The following AGTPBP1 variants were observed in gnomAD, a reference collection of about 807,000 sequenced individuals.
AGTPBP1 encodes the protein ATP/GTP binding carboxypeptidase 1, also known as cytosolic carboxypeptidase 1.
Under a neutral mutation model 143.9 loss-of-function variants are expected in AGTPBP1, and 70 were observed. The observed-to-expected ratio is 0.49, with a 90% confidence interval of 0.40 to 0.59. The LOEUF (loss-of-function observed/expected upper bound fraction) is 0.59. AGTPBP1 is among the 20% of genes least tolerant of loss of function. AGTPBP1 has a pLI of 0.00. For synonymous variants in AGTPBP1, 463 were observed against 500.2 expected (o/e 0.93, Z 0.99); for missense variants, 1,229 against 1,464.5 (o/e 0.84, Z 2.62).
At chr9:85,627,700 T>A (rs1831391760) in intron 14 of AGTPBP1, among the ~76,000 whole-genome samples, 1 of 152,182 alleles carries the variant, frequency 6.6e-6, no homozygotes, top group Non-Finnish European at 1.5e-5. Flanking sequence ...CAACCTATCC[T>A]TCTTCTTCCT....
chr9:85,770,259 A>C, the AGTPBP1 span: 3 of 1,428,268 alleles, frequency 2.1e-6, no homozygotes, highest in Non-Finnish European at 3.0e-6. Context: ...TTTCATTTAA[A>C]ATGAGTGATT....
chr9:85,746,428 C>A (rs866358356), upstream of AGTPBP1, among the ~76,000 whole-genome samples: 7 of 152,202 alleles, frequency 4.6e-5, no homozygotes, highest in African/African-American at 1.4e-4. Flanking sequence ...TCAAGACCAG[C>A]CTGGACAACA....
rs34248388 is a variant in AGTPBP1 at position 85,698,679 on chromosome 9, CTTTTTTTTTTTTTTTTT to C, written c.33-5883_33-5867del. On this transcript the variant is annotated intron_variant, in intron 2 of 25. Coordinates refer to ENST00000357081, the MANE Select transcript of AGTPBP1 (RefSeq NM_001330701.2). ...GGAAATGTATCTTCCCCACCTAACC[CTTTTTTTTTTTTTTTTT>C]TTTTTTTTTTTTTTGAGAAGCAGTC... is the stretch of plus-strand genomic sequence containing the variant. Among the ~76,000 whole-genome samples the C allele has an allele frequency of 6.5e-5, 5 of 76,576 alleles. No individual in the cohort carries two copies. In the South Asian group the frequency reaches 2.5e-3, roughly 39 times the overall value. 50.2% of individuals were successfully genotyped at this position (76,576 alleles called of 152,430 possible).
intron 25 of AGTPBP1, among the ~76,000 whole-genome samples, chr9:85,561,851 GAGA>G (rs1451541061): frequency 2.0e-5 from 2 of 98,360 alleles, no homozygotes; most frequent in African/African-American, 4.3e-5. Flanking sequence ...TTTTTTTTTT[GAGA>G]AGGAGTCTTA....
At chr9:85,763,196 C>T in the AGTPBP1 span, among the ~76,000 whole-genome samples, 2 of 151,542 alleles carry the variant, frequency 1.3e-5, no homozygotes, top group African/African-American at 4.8e-5. Context: ...AAAAAAAAAC[C>T]CTCACATCAA....
At chr9:85,615,702 T>C (rs1396667659) in intron 17 of AGTPBP1, among the ~76,000 whole-genome samples, 4 of 152,026 alleles carry the variant, frequency 2.6e-5, no homozygotes, top group African/African-American at 7.2e-5. Flanking sequence ...ATGCTCCCTT[T>C]CTAAAGTTTT....
chr9:85,682,073 G>GT (rs1453932861), intron 3 of AGTPBP1, among the ~76,000 whole-genome samples: 1 of 145,894 alleles, frequency 6.9e-6, no homozygotes, highest in East Asian at 2.1e-4. Flanking sequence ...TTAAAATTCT[G>GT]TATCACACAA....
chr9:85,663,385 A>G (rs996772793), intron 8 of AGTPBP1, among the ~76,000 whole-genome samples: 20 of 152,130 alleles, frequency 1.3e-4, no homozygotes, highest in Non-Finnish European at 2.9e-5. Flanking sequence ...CTGCCTCAGT[A>G]GTGGGGAAAA....
intron 9 of AGTPBP1, among the ~76,000 whole-genome samples, chr9:85,660,284 T>C (rs1219584450): frequency 6.6e-6 from 1 of 152,080 alleles, no homozygotes; most frequent in East Asian, 1.9e-4. Context: ...AATGTTTATG[T>C]AATCAACCAA....
At chr9:85,777,273 G>A in the AGTPBP1 span, among the ~76,000 whole-genome samples, 8 of 152,282 alleles carry the variant, frequency 5.3e-5, no homozygotes, top group East Asian at 3.9e-4. Context: ...ACCCACATCC[G>A]GAGTAAGTGT....
chr9:85,731,163 T>C (rs796159924), intron 1 of AGTPBP1, among the ~76,000 whole-genome samples: 48 of 152,330 alleles, frequency 3.2e-4, no homozygotes, highest in African/African-American at 1.1e-3. Context: ...TCAAGAACCA[T>C]TCCTAGGTCA....
the AGTPBP1 span, among the ~76,000 whole-genome samples, chr9:85,799,356 T>C: frequency 3.3e-5 from 5 of 152,136 alleles, no homozygotes; most frequent in African/African-American, 1.2e-4. Flanking sequence ...AATAATGGGA[T>C]TGCTGGGTCA....
intron 4 of AGTPBP1, among the ~76,000 whole-genome samples, chr9:85,679,648 T>C (rs1218514607): frequency 6.6e-6 from 1 of 152,206 alleles, no homozygotes; most frequent in Non-Finnish European, 1.5e-5. Context: ...GACCTCGTGA[T>C]CTGCCCATCT....
the AGTPBP1 span, among the ~76,000 whole-genome samples, chr9:85,785,354 CT>C: frequency 0.061 from 9,188 of 151,844 alleles, 914 homozygotes; most frequent in African/African-American, 0.2. Context: ...AAACAAAAAA[CT>C]TTTGTCTTTG....
At chr9:85,562,586 T>C (rs1052552473) in intron 25 of AGTPBP1, among the ~76,000 whole-genome samples, 1 of 152,202 alleles carries the variant, frequency 6.6e-6, no homozygotes, top group Non-Finnish European at 1.5e-5. Context: ...TCTTTAAATC[T>C]CCATTGTTAT....
At chr9:85,590,548 CTGAG>C (rs1828894765) in intron 19 of AGTPBP1, among the ~76,000 whole-genome samples, 1 of 152,076 alleles carries the variant, frequency 6.6e-6, no homozygotes, top group Non-Finnish European at 1.5e-5. Context: ...TCACTATTGA[CTGAG>C]TGGTCACTAT....
At chr9:85,615,793 C>T (rs1216311416) in intron 17 of AGTPBP1, among the ~76,000 whole-genome samples, 2 of 151,658 alleles carry the variant, frequency 1.3e-5, no homozygotes, top group Non-Finnish European at 2.9e-5. Flanking sequence ...TGCACGTGTA[C>T]CTGGCATACA....
intron 1 of AGTPBP1, among the ~76,000 whole-genome samples, chr9:85,733,715 C>G (rs1258326510): frequency 1.3e-5 from 2 of 152,016 alleles, no homozygotes; most frequent in African/African-American, 4.8e-5. Flanking sequence ...AAACCTTTAG[C>G]AAGATTTAAA....
At chr9:85,773,842 T>C in the AGTPBP1 span, 1 of 1,591,216 alleles carries the variant, frequency 6.3e-7, no homozygotes, top group Non-Finnish European at 8.6e-7. Flanking sequence ...TGTTAGGTGG[T>C]GAATTTGCGA....
Sources: allele counts gnomAD v4.1 joint callset (sites outside exome capture counted in the v4.1 genomes callset), GRCh38; gene constraint gnomAD v4.1.1; transcripts MANE v1.5; gene names NCBI Gene and HGNC (gene_info 2026-07-23, HGNC 2026-07-21).